The following TEX11 variants were observed in gnomAD, a reference collection of about 807,000 sequenced individuals.
TEX11 encodes testis expressed 11.
A neutral mutation model predicts 84.4 loss-of-function variants in TEX11; 7 were observed. The observed-to-expected ratio is 0.08, with a 90% CI of 0.05 to 0.16. The LOEUF (loss-of-function observed/expected upper bound fraction) is 0.16. Ranked by LOEUF, TEX11 falls within the 10% of genes least tolerant of loss-of-function variation. TEX11 has a pLI of 1.00. For synonymous variants in TEX11, 264 were observed against 222.8 expected, an observed-to-expected ratio of 1.18 and a Z score of -1.64; for missense variants, 551 against 660.5, an observed-to-expected ratio of 0.83 and a Z score of 1.82.
intron 9 of TEX11, among the ~76,000 whole-genome samples, chrX:70,804,182 G>T (rs5936991): frequency 1.8e-3 from 204 of 111,938 alleles, no homozygotes; most frequent in Non-Finnish European, 2.9e-3. Flanking sequence ...AGTAGCAGCA[G>T]TTTCCGTTTG....
At chrX:70,815,414 C>T (rs1158467523) in intron 8 of TEX11, among the ~76,000 whole-genome samples, 2 of 110,901 alleles carry the variant, frequency 1.8e-5, no homozygotes, top group African/African-American at 6.5e-5. Flanking sequence ...TACAGTAGTT[C>T]CCCCCATCCA....
intron 9 of TEX11, 21 bp from the exon 10 acceptor site, chrX:70,744,240 AAATAT>A: frequency 6.1e-6 from 4 of 658,353 alleles, no homozygotes; most frequent in Non-Finnish European, 8.0e-6. Context: ...AAAGGAAAAA[AAATAT>A]ATATATATAT....
intron 7 of TEX11, among the ~76,000 whole-genome samples, chrX:70,845,200 C>T (rs1314925835): frequency 9.0e-6 from 1 of 110,912 alleles, no homozygotes; most frequent in African/African-American, 3.3e-5. Context: ...ATCTCACTGT[C>T]ACCCAGGCTG....
chrX:70,628,090 G>A (rs2089469033), intron 18 of TEX11, among the ~76,000 whole-genome samples: 1 of 110,184 alleles, frequency 9.1e-6, no homozygotes, highest in Non-Finnish European at 1.9e-5. Flanking sequence ...TTAGTCAGGT[G>A]TGGCTGGCGC....
At chrX:70,822,133 A>C (rs929254676) in intron 8 of TEX11, among the ~76,000 whole-genome samples, 1 of 111,642 alleles carries the variant, frequency 9.0e-6, no homozygotes, top group Non-Finnish European at 1.9e-5. Flanking sequence ...TTTAGGGAAT[A>C]ATATAAATAA....
At chrX:70,553,253 G>T in intron 27 of TEX11, 53 bp downstream of exon 27, 2 of 812,728 alleles carry the variant, frequency 2.5e-6, no homozygotes, top group Non-Finnish European at 3.6e-6. Flanking sequence ...TACTTTTGAG[G>T]CATTGACTAT....
At chrX:70,667,096 C>A (rs1188670411) in intron 16 of TEX11, among the ~76,000 whole-genome samples, 5 of 112,148 alleles carry the variant, frequency 4.5e-5, no homozygotes, top group African/African-American at 6.5e-5. Flanking sequence ...TGAAATAAAT[C>A]AAAAGAATCA....
chrX:70,714,724 G>A (rs984248316), intron 13 of TEX11, among the ~76,000 whole-genome samples: 2 of 111,528 alleles, frequency 1.8e-5, no homozygotes, highest in African/African-American at 6.5e-5. Context: ...ACAGCACACT[G>A]ATGGGTCTTG....
chrX:70,877,726 C>A (rs1433798989), intron 3 of TEX11, among the ~76,000 whole-genome samples: 2 of 111,761 alleles, frequency 1.8e-5, no homozygotes, highest in Non-Finnish European at 3.8e-5. Context: ...ACACATGCTG[C>A]AACATGAATG....
Position 70,849,028 on chromosome X carries a change from T to C in TEX11, c.525+4006A>G, listed in dbSNP as rs766604482. 2.9e-4 allele frequency among the ~76,000 whole-genome samples: 32 copies of C among 112,088 alleles called. No individual in the cohort carries two copies. In the South Asian group the frequency reaches 0.012, roughly 42 times the overall value. On this transcript the variant is annotated intron_variant, in intron 7 of 29. Transcript: ENST00000374333. Reference sequence around the variant, plus strand: ...AGTTATTTTTACAATTCTAAAAGATTACAGAAGGGTAATCTGGCACTTGCA... The same window carrying C: ...AGTTATTTTTACAATTCTAAAAGATCACAGAAGGGTAATCTGGCACTTGCA...
chrX:70,766,044 T>C (rs2090938243), intron 9 of TEX11, among the ~76,000 whole-genome samples: 1 of 111,787 alleles, frequency 8.9e-6, no homozygotes, highest in Non-Finnish European at 1.9e-5. Flanking sequence ...TAGCCACAAA[T>C]AAAATTAAAC....
intron 25 of TEX11, among the ~76,000 whole-genome samples, chrX:70,582,275 T>C (rs1199757619): frequency 9.0e-6 from 1 of 111,728 alleles, no homozygotes; most frequent in Non-Finnish European, 1.9e-5. Context: ...CTACACATCT[T>C]AGTATTATAA....
chrX:70,868,081 G>A (rs1416164614), intron 4 of TEX11, among the ~76,000 whole-genome samples: 1 of 111,587 alleles, frequency 9.0e-6, no homozygotes, highest in Non-Finnish European at 1.9e-5. Flanking sequence ...TCGTCAGGGT[G>A]AACAGGCAAC....
intron 8 of TEX11, among the ~76,000 whole-genome samples, chrX:70,811,016 G>A (rs2091249591): frequency 9.0e-6 from 1 of 111,425 alleles, no homozygotes; most frequent in Non-Finnish European, 1.9e-5. Context: ...ATATTCCAAT[G>A]AGTCATTTTT....
chrX:70,742,942 T>G (rs1353328145), intron 10 of TEX11, among the ~76,000 whole-genome samples: 1 of 111,297 alleles, frequency 9.0e-6, no homozygotes, highest in Non-Finnish European at 1.9e-5. Context: ...TCAGTAGTAT[T>G]AAGTATATTC....
intron 3 of TEX11, among the ~76,000 whole-genome samples, chrX:70,879,503 A>G (rs73550303): frequency 0.017 from 1,923 of 110,861 alleles, 43 homozygotes; most frequent in African/African-American, 0.06. Context: ...TTAAGTAAGT[A>G]ACAGACCTTC....
At chrX:70,681,038 C>T (rs755227581) in intron 14 of TEX11, among the ~76,000 whole-genome samples, 1 of 112,824 alleles carries the variant, frequency 8.9e-6, no homozygotes, top group African/African-American at 3.2e-5. Flanking sequence ...TCTTAACTTG[C>T]GTTGATTGTT....
At chrX:70,613,639 A>G (rs2089286901) in intron 20 of TEX11, among the ~76,000 whole-genome samples, 1 of 111,586 alleles carries the variant, frequency 9.0e-6, no homozygotes, top group Non-Finnish European at 1.9e-5. Flanking sequence ...AAGGACTGCA[A>G]GTCTTAGTGC....
rs111235978 is a variant in TEX11, at chrX:70,803,560, T to C, written c.692+3145A>G. On this transcript the variant is annotated intron_variant, in intron 9 of 29. Transcript: ENST00000374333. Reference sequence around the variant, plus strand: ...CGTTTAGTATTGCTCTAGGCTTCAATTTCAAAAAAATTCGAATATACTACA... The same window carrying C: ...CGTTTAGTATTGCTCTAGGCTTCAACTTCAAAAAAATTCGAATATACTACA... Among the ~76,000 whole-genome samples the C allele has an allele frequency of 2.8e-3, 313 of 112,188 alleles. 2 individuals carry two copies. Among genetic ancestry groups the C allele is most frequent in the Non-Finnish European group, 3.9e-3 (210 of 53,230 alleles).
Sources: allele counts gnomAD v4.1 joint callset (sites outside exome capture counted in the v4.1 genomes callset), GRCh38; gene constraint gnomAD v4.1.1; transcripts MANE v1.5; gene names NCBI Gene and HGNC (gene_info 2026-07-23, HGNC 2026-07-21).